DOCK4: variants seen among roughly 807,000 people sequenced by gnomAD.
DOCK4 encodes the protein dedicator of cytokinesis 4.
DOCK4 carries 97 observed loss-of-function variants against 268.1 expected under a neutral mutation model. The ratio of observed to expected loss-of-function variants is 0.36; its 90% confidence interval spans 0.31 to 0.43. The LOEUF (loss-of-function observed/expected upper bound fraction) is 0.43. Among genes scored for constraint, DOCK4 ranks in the 20% least tolerant of loss-of-function variants. The pLI is 1.00. For synonymous variants in DOCK4, 954 were observed against 887.2 expected, an observed-to-expected ratio of 1.08 and a Z score of -1.34; for missense variants, 2,145 against 2,455.7, an observed-to-expected ratio of 0.87 and a Z score of 2.67.
chr7:111,748,945 C>T lies in DOCK4; in HGVS notation c.4417-1502G>A, dbSNP rs148615028. Among the ~76,000 whole-genome samples, 440 of 152,250 alleles carry T rather than the reference C, an allele frequency of 2.9e-3. 4 individuals are homozygous for T. Among genetic ancestry groups the T allele is most frequent in the African/African-American group, 0.01 (423 of 41,540 alleles). ...ACATGGAAAAATATTACACACAACACTGAGTCAAATATGTCTCAATAGAAC... is the reference window on the plus strand; with the variant it reads ...ACATGGAAAAATATTACACACAACATTGAGTCAAATATGTCTCAATAGAAC... On this transcript the variant is annotated intron_variant, in intron 42 of 52. Transcript: ENST00000428084.
In DOCK4 at chr7:112,000,429, A is replaced by G. The variant is rs558895709; in HGVS notation, c.162+65T>C. Reference sequence around the variant, plus strand: ...AACTGTAATTTCAATTGTATAAAGAAATAATTTAAATAACTATCTTTCTTA... The same window carrying G: ...AACTGTAATTTCAATTGTATAAAGAGATAATTTAAATAACTATCTTTCTTA... On this transcript the variant is annotated intron_variant, in intron 3 of 52. Transcript: ENST00000428084. 1.2e-5 allele frequency: 13 copies of G among 1,045,192 alleles called. No homozygotes were observed. The Admixed American group carries it at 3.1e-4, about 25-fold the overall frequency. 64.7% of individuals were successfully genotyped at this position (1,045,192 alleles called of 1,614,324 possible).
intron 25 of DOCK4, 144 bp downstream of exon 25, chr7:111,844,619 T>C: frequency 9.1e-7 from 1 of 1,099,450 alleles, no homozygotes; most frequent in East Asian, 2.8e-5. Flanking sequence ...CCTTGTAAAA[T>C]TAAGGTAACC....
At chr7:111,983,022 T>C (rs1015874780) in intron 7 of DOCK4, among the ~76,000 whole-genome samples, 1 of 152,220 alleles carries the variant, frequency 6.6e-6, no homozygotes, top group Non-Finnish European at 1.5e-5. Flanking sequence ...ATGTTCTCCC[T>C]ACATGCCAGA....
chr7:111,838,051 A>G (rs1803367444), intron 25 of DOCK4, among the ~76,000 whole-genome samples: 1 of 144,760 alleles, frequency 6.9e-6, no homozygotes, highest in African/African-American at 2.7e-5. Context: ...GCACCACTGC[A>G]TTCCAGCATG....
intron 1 of DOCK4, among the ~76,000 whole-genome samples, chr7:112,101,196 C>T (rs1425211488): frequency 6.6e-6 from 1 of 152,214 alleles, no homozygotes; most frequent in African/African-American, 2.4e-5. Flanking sequence ...AATTTTATCA[C>T]AGGCAGACGG....
At chr7:111,851,958 CTTT>C (rs35969396) in intron 23 of DOCK4, among the ~76,000 whole-genome samples, 3 of 124,960 alleles carry the variant, frequency 2.4e-5, no homozygotes, top group Admixed American at 1.6e-4. Flanking sequence ...TCTCTCCTTC[CTTT>C]TTTTTTTTTT....
intron 41 of DOCK4, among the ~76,000 whole-genome samples, chr7:111,758,056 A>G (rs1272500009): frequency 6.6e-6 from 1 of 152,098 alleles, no homozygotes; most frequent in African/African-American, 2.4e-5. Flanking sequence ...CTCAACACAC[A>G]CAAAGAATCC....
At chr7:112,181,443 C>G (rs1424985089) in intron 1 of DOCK4, among the ~76,000 whole-genome samples, 1 of 151,892 alleles carries the variant, frequency 6.6e-6, no homozygotes, top group Non-Finnish European at 1.5e-5. Context: ...GGCTTGAGGC[C>G]AGCACAGTTC....
intron 1 of DOCK4, among the ~76,000 whole-genome samples, chr7:112,078,127 C>T (rs964828735): frequency 6.6e-6 from 1 of 152,076 alleles, no homozygotes; most frequent in African/African-American, 2.4e-5. Flanking sequence ...ATAAATTCAT[C>T]AAATTTCTCA....
chr7:111,814,756 T>C (rs1801412669), intron 27 of DOCK4, among the ~76,000 whole-genome samples: 1 of 152,156 alleles, frequency 6.6e-6, no homozygotes, highest in South Asian at 2.1e-4. Flanking sequence ...TATTTCTAGA[T>C]TGAACACCTC....
chr7:111,792,152 A>G (rs571953412), intron 30 of DOCK4, among the ~76,000 whole-genome samples: 2 of 152,340 alleles, frequency 1.3e-5, no homozygotes, highest in South Asian at 2.1e-4. Flanking sequence ...GTTAAATCTC[A>G]TAAGTTTCTA....
chr7:111,921,396 G>T (rs1793126904), intron 12 of DOCK4, among the ~76,000 whole-genome samples: 1 of 152,064 alleles, frequency 6.6e-6, no homozygotes, highest in African/African-American at 2.4e-5. Flanking sequence ...CTATAAGTTG[G>T]CTCCTTTTAA....
At chr7:111,813,289 T>C (rs1278406330) in intron 27 of DOCK4, among the ~76,000 whole-genome samples, 1 of 152,156 alleles carries the variant, frequency 6.6e-6, no homozygotes, top group Non-Finnish European at 1.5e-5. Context: ...GAAAACAAAA[T>C]ACAGTATCAA....
At chr7:111,743,320 G>A (rs1011124735) in intron 44 of DOCK4, among the ~76,000 whole-genome samples, 8 of 152,206 alleles carry the variant, frequency 5.3e-5, no homozygotes, top group East Asian at 1.9e-4. Context: ...TTTGCAGCTC[G>A]TGAAGATTTT....
At position 112,159,875 on chromosome 7, in the gene DOCK4, CAT is replaced by C. The variant is rs749944855; in HGVS notation, c.37+46225_37+46226del. ...TATACATAATGTATATACATATACA[CAT>C]ATATATATACACACATAATGTATAT... On this transcript the variant is annotated intron_variant, in intron 1 of 52. Transcript: ENST00000428084. Among the ~76,000 whole-genome samples, 109 of 141,202 alleles carry C rather than the reference CAT, an allele frequency of 7.7e-4. 1 individual carries two copies. Among genetic ancestry groups the C allele is most frequent in the African/African-American group, 1.1e-3 (38 of 33,884 alleles). The allele number at this position is 141,202 out of a possible 152,430, so 92.6% of individuals were successfully genotyped here.
At chr7:112,199,631 C>A (rs1404960725) in intron 1 of DOCK4, among the ~76,000 whole-genome samples, 2 of 152,062 alleles carry the variant, frequency 1.3e-5, no homozygotes, top group South Asian at 2.1e-4. Flanking sequence ...ATATAGTTCA[C>A]TTTTTTAATA....
intron 26 of DOCK4, among the ~76,000 whole-genome samples, chr7:111,826,903 T>A (rs550282502): frequency 4.6e-5 from 7 of 152,152 alleles, no homozygotes; most frequent in Admixed American, 2.0e-4. Flanking sequence ...TATATTTTTT[T>A]AAAAAAGAGA....
intron 1 of DOCK4, among the ~76,000 whole-genome samples, chr7:112,102,463 A>G (rs1012172015): frequency 5.9e-5 from 9 of 152,176 alleles, no homozygotes; most frequent in African/African-American, 2.2e-4. Flanking sequence ...CTCAAAATTA[A>G]TATGTTAAAA....
chr7:112,103,838 T>C (rs1303938016), intron 1 of DOCK4, among the ~76,000 whole-genome samples: 1 of 152,134 alleles, frequency 6.6e-6, no homozygotes, highest in East Asian at 1.9e-4. Context: ...GCTGAGATCA[T>C]ACCATTGCAC....
Sources: gnomAD v4.1 joint callset for allele counts (sites outside exome capture counted in the v4.1 genomes callset) on GRCh38, gnomAD v4.1.1 for gene constraint, MANE v1.5 for transcripts, NCBI Gene and HGNC (gene_info 2026-07-23, HGNC 2026-07-21) for gene names.